Variants in FMO1 observed in about 807,000 individuals in gnomAD.
FMO1 encodes flavin-containing monooxygenase 1.
In FMO1, 36 loss-of-function variants were observed where a neutral mutation model predicts 45.4. The ratio of observed to expected loss-of-function variants is 0.79; its 90% CI spans 0.61 to 1.05. The LOEUF is 1.05. FMO1 is among the 50% of genes least tolerant of loss of function. The pLI, the probability that FMO1 is intolerant of heterozygous loss-of-function variation, is 0.00. For synonymous variants in FMO1, 228 were observed against 227.2 expected (o/e 1.00, Z -0.03); for missense variants, 615 against 640.3 (o/e 0.96, Z 0.43).
intron 2 of FMO1, among the ~76,000 whole-genome samples, chr1:171,260,741 G>A (rs1472942847): frequency 6.6e-6 from 1 of 151,754 alleles, no homozygotes; most frequent in Non-Finnish European, 1.5e-5. Context: ...GACCAGCCTG[G>A]TCAACATGGC....
chr1:171,263,580 A>C (rs2101808546), intron 2 of FMO1, among the ~76,000 whole-genome samples: 1 of 152,286 alleles, frequency 6.6e-6, no homozygotes, highest in East Asian at 1.9e-4. Context: ...AAGGACAGAA[A>C]CACCTCTGCT....
chr1:171,273,586 CA>C (rs1405085601), intron 3 of FMO1, among the ~76,000 whole-genome samples: 1 of 152,132 alleles, frequency 6.6e-6, no homozygotes, highest in Admixed American at 6.5e-5. Flanking sequence ...TATCTCACTG[CA>C]GCCTCCACCT....
chr1:171,269,247 G>A (rs1040408253), intron 3 of FMO1, among the ~76,000 whole-genome samples: 13 of 152,256 alleles, frequency 8.5e-5, no homozygotes, highest in African/African-American at 2.9e-4. Context: ...CTGTGGAAAC[G>A]TCAGAGGTTA....
rs138910595 is a variant in FMO1 at position 171,270,943 on chromosome 1, G to C, written c.321+3212G>C. ...TTATAGACGAGAAAAAAAACCGCTA[G>C]AACCAACTTATTCATCATCTTCTTC... On this transcript the variant is annotated intron_variant, in intron 3 of 8. Coordinates refer to ENST00000617670, the MANE Select transcript of FMO1 (RefSeq NM_001282693.2). The C allele has an allele frequency of 4.2e-4, 350 of 842,966 alleles. 2 individuals are homozygous for C. In the African/African-American group the frequency reaches 5.1e-3, roughly 12 times the overall value. 52.2% of individuals were successfully genotyped at this position (842,966 alleles called of 1,614,324 possible).
At chr1:171,283,054 AG>A in intron 7 of FMO1, 89 bp from the exon 8 acceptor site, 2 of 746,048 alleles carry the variant, frequency 2.7e-6, no homozygotes, top group Non-Finnish European at 4.7e-6. Flanking sequence ...TAGACGTGAA[AG>A]GAGAGCCATA....
intron 1 of FMO1, among the ~76,000 whole-genome samples, chr1:171,256,056 G>C (rs189638753): frequency 3.3e-5 from 5 of 152,048 alleles, no homozygotes; most frequent in African/African-American, 1.2e-4. Context: ...GGCTGATCAC[G>C]AGGTTAGGAG....
chr1:171,278,427 A>G (rs893005291), intron 4 of FMO1, among the ~76,000 whole-genome samples: 4 of 152,188 alleles, frequency 2.6e-5, no homozygotes, highest in Non-Finnish European at 5.9e-5. Context: ...AACCTTTAAA[A>G]TGATAATGAC....
chr1:171,270,965 C>G, intron 3 of FMO1: 1 of 879,686 alleles, frequency 1.1e-6, no homozygotes, highest in Non-Finnish European at 1.8e-6. Flanking sequence ...TCATCATCTT[C>G]TTCATCTTCA....
intron 1 of FMO1, among the ~76,000 whole-genome samples, chr1:171,255,570 T>C (rs1660111236): frequency 6.6e-6 from 1 of 152,164 alleles, no homozygotes; most frequent in South Asian, 2.1e-4. Context: ...AGGAAATATA[T>C]AACACTGGTC....
intron 2 of FMO1, among the ~76,000 whole-genome samples, chr1:171,259,886 C>G (rs1285862550): frequency 6.6e-6 from 1 of 152,210 alleles, no homozygotes; most frequent in Non-Finnish European, 1.5e-5. Context: ...AGGATTCACC[C>G]TGCCCTCAGG....
intron 1 of FMO1, among the ~76,000 whole-genome samples, chr1:171,250,112 A>G (rs1443420832): frequency 1.3e-5 from 2 of 152,254 alleles, no homozygotes; most frequent in African/African-American, 4.8e-5. Context: ...CAAGTAATAT[A>G]CAAACTAAAA....
Position 171,282,055 on chromosome 1 carries a change from G to C in FMO1, c.905G>C (p.Ser302Thr), listed in dbSNP as rs757403397. 1.9e-6 allele frequency: 3 copies of C among 1,613,602 alleles called. No homozygotes were observed. The highest frequency in any genetic ancestry group is 1.7e-5 in the Admixed American group (1 of 59,964). The change falls in exon 7 of 9, where the codon AGC (serine) becomes ACC (threonine). Residue 302 changes from serine to threonine, a missense_variant. Physicochemically the swap from Ser to Thr is moderately conservative, Grantham distance 58. Coordinates refer to ENST00000617670, the MANE Select transcript of FMO1 (RefSeq NM_001282693.2). ...IITGKVFIRPSIKEVKENSVI... is the reference protein window; with the variant it reads ...IITGKVFIRPTIKEVKENSVI... ...ACTGGGAAAGTGTTCATCAGGCCAA[G>C]CATAAAAGAGGTAAAGGAAAACTCT... is the stretch of plus-strand genomic sequence containing the variant.
intron 4 of FMO1, among the ~76,000 whole-genome samples, chr1:171,277,877 T>C (rs1661173129): frequency 1.3e-5 from 2 of 152,158 alleles, no homozygotes; most frequent in African/African-American, 4.8e-5. Context: ...ATATACATTT[T>C]TCCCCTGAGA....
chr1:171,250,960 C>A (rs530061347), intron 1 of FMO1, among the ~76,000 whole-genome samples: 1 of 152,210 alleles, frequency 6.6e-6, no homozygotes, highest in South Asian at 2.1e-4. Flanking sequence ...TGGAGATAGA[C>A]ACAAATCTTC....
At position 171,257,977 on chromosome 1, in the gene FMO1, G is replaced by C. The variant is rs947779576; in HGVS notation, c.-6-105G>C. 8.3e-6 allele frequency: 11 copies of C among 1,319,264 alleles called. No homozygotes were observed. The African/African-American group carries it at 1.6e-4, about 19-fold the overall frequency. The allele number at this position is 1,319,264 out of a possible 1,614,324, so 81.7% of individuals were successfully genotyped here. ...AGACCCGCTACAGAAGATTCAAACT[G>C]AGCAAATCGCCTAATCTTCCAAATT... On this transcript the variant is annotated intron_variant, in intron 1 of 8. Transcript: ENST00000617670.
At position 171,273,077 on chromosome 1, in the gene FMO1, TC is replaced by T. The variant is rs1328012810; in HGVS notation, c.322-2266del. 2.6e-5 allele frequency among the ~76,000 whole-genome samples: 4 copies of T among 152,206 alleles called. No individual in the cohort carries two copies. In the East Asian group the frequency reaches 7.7e-4, roughly 29 times the overall value. The stretch of plus-strand genomic sequence containing the variant: ...TAACCGAATCATGAGGGTAGGTCTT[TC>T]CCATGCTGTTCTAGTGATAGTGAAT... On this transcript the variant is annotated intron_variant, in intron 3 of 8. Coordinates refer to ENST00000617670, the MANE Select transcript of FMO1 (RefSeq NM_001282693.2).
intron 6 of FMO1, 62 bp downstream of exon 6, chr1:171,281,047 C>T: frequency 1.4e-6 from 2 of 1,384,686 alleles, no homozygotes; most frequent in South Asian, 2.4e-5. Flanking sequence ...GTCCAGCAGC[C>T]TATACAAGCC....
Position 171,278,863 on chromosome 1 carries a change from G to A in FMO1, c.619G>A (p.Ala207Thr). The change falls in exon 5 of 9, where the codon GCG (alanine) becomes ACG (threonine). Residue 207 changes from alanine (A) to threonine (T), a missense_variant. Transcript: ENST00000617670. The stretch of plus-strand genomic sequence containing the variant: ...CATTGCTGTGGAGGCCAGCCACCTG[G>A]CGGAAAAGGTACATTCCTGATGTTA... ...TDIAVEASHL[A>T]EKVFLSTTGG... is the part of the protein sequence containing the mutation. 6.2e-7 allele frequency: 1 copy of A among 1,610,868 alleles called. No homozygotes were observed. Among genetic ancestry groups the A allele is most frequent in the East Asian group, 2.2e-5 (1 of 44,848 alleles).
intron 2 of FMO1, among the ~76,000 whole-genome samples, chr1:171,263,133 T>C (rs764777125): frequency 1.3e-5 from 2 of 152,160 alleles, no homozygotes; most frequent in African/African-American, 4.8e-5. Context: ...GGATACAAGC[T>C]TAAGAAAGTA....
Sources: gnomAD v4.1 joint callset for allele counts (sites outside exome capture counted in the v4.1 genomes callset) on GRCh38, gnomAD v4.1.1 for gene constraint, MANE v1.5 for transcripts, NCBI Gene and HGNC (gene_info 2026-07-23, HGNC 2026-07-21) for gene names.